EIF2AK4: variants seen among roughly 807,000 people sequenced by gnomAD.
EIF2AK4 encodes eukaryotic translation initiation factor 2 alpha kinase 4.
Under a neutral mutation model 211.1 loss-of-function variants are expected in EIF2AK4, and 139 were observed. The observed-to-expected ratio is 0.66, with a 90% confidence interval of 0.57 to 0.76. The LOEUF (loss-of-function observed/expected upper bound fraction) is 0.76. Among genes scored for constraint, EIF2AK4 ranks in the 30% least tolerant of loss-of-function variants. The pLI is 0.00. For missense variants in EIF2AK4, 1,664 were observed against 2,043.8 expected (o/e 0.81, Z 3.58); for synonymous variants, 710 against 751.3 (o/e 0.94, Z 0.90).
At chr15:39,946,693 AAG>A in intron 3 of EIF2AK4, 1 of 699,826 alleles carries the variant, frequency 1.4e-6, no homozygotes, top group Non-Finnish European at 2.6e-6. Context: ...CCATGAAAGG[AAG>A]AGTCAATCGA....
Position 39,943,379 on chromosome 15 carries a change from C to G in EIF2AK4, c.258-4C>G, listed in dbSNP as rs765320362. 4.1e-5 allele frequency: 31 copies of G among 762,370 alleles called. No homozygotes were observed. The highest frequency in any genetic ancestry group is 5.1e-5 in the Non-Finnish European group (29 of 563,800). 47.2% of individuals were successfully genotyped at this position (762,370 alleles called of 1,614,324 possible). On this transcript the variant is annotated splice_polypyrimidine_tract_variant and splice_region_variant and intron_variant, in intron 2 of 38. Transcript: ENST00000263791. Reference sequence around the variant, plus strand: ...TTTTTTTTTTTTTTTTTTGCCTTTTCCAGAGTTCCTGAAATAGAGTTAAAA... The same window carrying G: ...TTTTTTTTTTTTTTTTTTGCCTTTTGCAGAGTTCCTGAAATAGAGTTAAAA...
At chr15:39,980,629 G>T (rs1000375928) in intron 13 of EIF2AK4, among the ~76,000 whole-genome samples, 1 of 152,176 alleles carries the variant, frequency 6.6e-6, no homozygotes, top group African/African-American at 2.4e-5. Context: ...AACTACTAGG[G>T]CAGTCAGTTG....
At position 39,998,860 on chromosome 15, in the gene EIF2AK4, T is replaced by G. The variant is rs994631476; in HGVS notation, c.2922+76T>G. 38 of 1,225,422 alleles carry G rather than the reference T, an allele frequency of 3.1e-5. No homozygotes were observed. In the Admixed American group the frequency reaches 7.7e-4, roughly 25 times the overall value. The allele number at this position is 1,225,422 out of a possible 1,614,324, so 75.9% of individuals were successfully genotyped here. ...ATTATTTTTCTTCTTTTTCAATTAG[T>G]AATCTTCTGCCACTCATTCTCTTGT... On this transcript the variant is annotated intron_variant, in intron 20 of 38. Coordinates refer to ENST00000263791, the MANE Select transcript of EIF2AK4 (RefSeq NM_001013703.4).
At position 39,967,859 on chromosome 15, in the gene EIF2AK4, C is replaced by G; in HGVS notation, c.1533C>G (p.Asp511Glu). 2 of 1,613,746 alleles carry G rather than the reference C, an allele frequency of 1.2e-6. No individual in the cohort carries two copies. The change falls in exon 9 of 39, where the codon GAC (aspartate) becomes GAG (glutamate). Residue 511 changes from aspartate to glutamate, a missense_variant. Asp to Glu is a conservative substitution (Grantham distance 45). Around this residue, in one of 7 missense-constraint regions of EIF2AK4, gnomAD observed 641 missense variants for 729.6 expected, o/e 0.88. Transcript: ENST00000263791. The stretch of plus-strand genomic sequence containing the variant: ...CCATCCCTAGTGACTTACCAGCTGA[C>G]TTTCAAGATTTTCTAAAGAAGTGAG... The part of the protein sequence containing the change: ...PVTIPSDLPA[D>E]FQDFLKKCVC...
chr15:39,988,189 G>T, intron 15 of EIF2AK4, 84 bp downstream of exon 15: 1 of 1,482,030 alleles, frequency 6.7e-7, no homozygotes, highest in South Asian at 1.2e-5. Context: ...TAAGATTGGA[G>T]AAAAACTGAA....
intron 23 of EIF2AK4, 31 bp from the exon 24 acceptor site, chr15:40,006,985 A>G (rs2035170634): frequency 6.5e-7 from 1 of 1,542,090 alleles, no homozygotes; most frequent in Non-Finnish European, 8.9e-7. Context: ...ACATTTTGAC[A>G]TTGACCTTTC....
chr15:40,029,213 A>C, intron 33 of EIF2AK4, 193 bp from the exon 34 acceptor site: 1 of 666,960 alleles, frequency 1.5e-6, no homozygotes, highest in Non-Finnish European at 1.9e-6. Flanking sequence ...GACATCCTTT[A>C]TAATTTTTAC....
In EIF2AK4 at chr15:39,967,639, C is replaced by A. The variant is rs370828624; in HGVS notation, c.1313C>A (p.Thr438Asn). 1.2e-6 allele frequency: 2 copies of A among 1,614,026 alleles called. No homozygotes were observed. Among genetic ancestry groups the A allele is most frequent in the South Asian group, 1.1e-5 (1 of 91,084 alleles). The part of the protein sequence containing the change: ...ASNVLVDAEG[T>N]VKITDYSISK... ...AATGTCTTGGTGGATGCAGAAGGCA[C>A]CGTCAAGATTACGGACTATAGCATT... Residue 438 changes from threonine (T) to asparagine (N), a missense_variant, in exon 9 of 39, where the codon ACC becomes AAC. Thr to Asn is a moderately conservative substitution (Grantham distance 65). This residue lies in a region of EIF2AK4 where 641 missense variants were observed against 729.6 expected (regional missense o/e 0.88). Coordinates refer to ENST00000263791, the MANE Select transcript of EIF2AK4 (RefSeq NM_001013703.4).
chr15:40,032,263 A>G, intron 36 of EIF2AK4, 26 bp downstream of exon 36: 1 of 1,605,324 alleles, frequency 6.2e-7, no homozygotes. Context: ...TAGTATTTTG[A>G]AGGTGGCTTC....
chr15:40,032,543 TGTG>T (rs1378979658), intron 36 of EIF2AK4, among the ~76,000 whole-genome samples: 1 of 152,194 alleles, frequency 6.6e-6, no homozygotes, highest in African/African-American at 2.4e-5. Context: ...ACCTTTCGGG[TGTG>T]GTGTAGAGGG....
chr15:39,987,764 T>A (rs772348546), intron 14 of EIF2AK4, among the ~76,000 whole-genome samples: 1 of 152,230 alleles, frequency 6.6e-6, no homozygotes, highest in Admixed American at 6.5e-5. Flanking sequence ...TATAAAAAAT[T>A]AAAAATGGTT....
intron 25 of EIF2AK4, among the ~76,000 whole-genome samples, chr15:40,009,301 C>G (rs8034578): frequency 6.6e-6 from 1 of 151,674 alleles, no homozygotes; most frequent in Non-Finnish European, 1.5e-5. Context: ...GTTCCCCAGG[C>G]TGGTCTTGAA....
At chr15:40,018,677 TTATAA>T (rs2035342282) in intron 29 of EIF2AK4, among the ~76,000 whole-genome samples, 1 of 152,208 alleles carries the variant, frequency 6.6e-6, no homozygotes, top group Admixed American at 6.5e-5. Context: ...GGTATTAATT[TTATAA>T]TATATCTTAT....
intron 18 of EIF2AK4, among the ~76,000 whole-genome samples, chr15:39,994,308 C>A (rs934945811): frequency 2.0e-5 from 3 of 152,154 alleles, no homozygotes; most frequent in African/African-American, 7.2e-5. Context: ...TAAAGCTAAA[C>A]TTTAAAAACA....
chr15:40,030,763 A>C (rs1335341022), intron 35 of EIF2AK4, among the ~76,000 whole-genome samples: 1 of 152,132 alleles, frequency 6.6e-6, no homozygotes, highest in Non-Finnish European at 1.5e-5. Context: ...TAAATAGCAA[A>C]GTAGAAGAGG....
intron 10 of EIF2AK4, 152 bp downstream of exon 10, chr15:39,973,166 T>G: frequency 1.5e-6 from 1 of 688,610 alleles, no homozygotes. Flanking sequence ...GCCATGTGCA[T>G]GGGACTGTTT....
chr15:40,009,074 G>GTT (rs748511828), intron 25 of EIF2AK4, among the ~76,000 whole-genome samples: 2 of 84,034 alleles, frequency 2.4e-5, no homozygotes, highest in South Asian at 3.2e-4. Flanking sequence ...AGTTGTTTTT[G>GTT]TTTTGTTTTG....
At chr15:39,959,500 A>G (rs2034437465) in intron 6 of EIF2AK4, among the ~76,000 whole-genome samples, 1 of 152,012 alleles carries the variant, frequency 6.6e-6, no homozygotes, top group East Asian at 1.9e-4. Context: ...TTTTATCTCT[A>G]CTTTTCTTTC....
chr15:40,017,016 A>G, intron 28 of EIF2AK4, 92 bp from the exon 29 acceptor site: 2 of 1,492,098 alleles, frequency 1.3e-6, no homozygotes, highest in East Asian at 4.6e-5. Context: ...GATTGTTCTG[A>G]TGCTATTGAT....
Sources: gnomAD v4.1 joint callset for allele counts (sites outside exome capture counted in the v4.1 genomes callset) on GRCh38, gnomAD v4.1.1 for gene constraint, gnomAD v4.1.1 regional missense constraint, MANE v1.5 for transcripts, NCBI Gene and HGNC (gene_info 2026-07-23, HGNC 2026-07-21) for gene names.